Variants in ARHGAP24 observed in about 807,000 individuals in gnomAD.
ARHGAP24 encodes Rho GTPase activating protein 24.
ARHGAP24 carries 50 observed loss-of-function variants against 76.4 expected under a neutral mutation model. That is an observed-to-expected ratio of 0.65 (90% CI 0.52 to 0.83). The LOEUF (loss-of-function observed/expected upper bound fraction) is 0.83. Ranked by LOEUF, ARHGAP24 falls within the 40% of genes least tolerant of loss-of-function variation. The probability of loss-of-function intolerance (pLI) is 0.00; values close to 1 mark genes in which losing one functional copy is unlikely to be tolerated. For synonymous variants in ARHGAP24, 345 were observed against 323.3 expected, an observed-to-expected ratio of 1.07 and a Z score of -0.72; for missense variants, 930 against 914.2, an observed-to-expected ratio of 1.02 and a Z score of -0.22.
At chr4:85,565,587 C>A (rs544812942) in intron 1 of ARHGAP24, among the ~76,000 whole-genome samples, 1 of 152,150 alleles carries the variant, frequency 6.6e-6, no homozygotes, top group Non-Finnish European at 1.5e-5. Context: ...GTCCCCTTCA[C>A]TCTTGCCCTG....
chr4:85,699,802 T>G (rs1407353437), intron 2 of ARHGAP24, among the ~76,000 whole-genome samples: 1 of 152,138 alleles, frequency 6.6e-6, no homozygotes, highest in Non-Finnish European at 1.5e-5. Context: ...TGTCTCCCAT[T>G]AAGTATACGA....
intron 2 of ARHGAP24, among the ~76,000 whole-genome samples, chr4:85,709,405 C>T (rs1211947235): frequency 6.6e-6 from 1 of 151,928 alleles, no homozygotes; most frequent in African/African-American, 2.4e-5. Flanking sequence ...AAATGTAACA[C>T]CCATTCCTGA....
intron 3 of ARHGAP24, among the ~76,000 whole-genome samples, chr4:85,834,601 A>G (rs548933224): frequency 1.3e-5 from 2 of 152,338 alleles, no homozygotes; most frequent in Non-Finnish European, 2.9e-5. Flanking sequence ...CATACTGAGG[A>G]ATGACACACC....
At chr4:85,572,747 CCAAACAGA>C (rs1727187459) in intron 2 of ARHGAP24, among the ~76,000 whole-genome samples, 1 of 3,980 alleles carries the variant, frequency 2.5e-4, no homozygotes, top group South Asian at 0.5. Context: ...CTTTTACAAA[CCAAACAGA>C]CCATCACCAT....
chr4:85,672,784 T>G (rs1469233033), intron 2 of ARHGAP24, among the ~76,000 whole-genome samples: 1 of 152,160 alleles, frequency 6.6e-6, no homozygotes, highest in Non-Finnish European at 1.5e-5. Context: ...AAAGGAGAAA[T>G]GGGAAATGCT....
chr4:85,781,575 A>T (rs72613145), intron 3 of ARHGAP24, among the ~76,000 whole-genome samples: 16,514 of 151,368 alleles, frequency 0.11, 2,070 homozygotes, highest in East Asian at 0.63. Flanking sequence ...TTTAATTTTT[A>T]AAAAAATACA....
chr4:85,628,924 A>G (rs572605451), intron 2 of ARHGAP24, among the ~76,000 whole-genome samples: 2 of 152,160 alleles, frequency 1.3e-5, no homozygotes, highest in South Asian at 2.1e-4. Flanking sequence ...GGTTGTTGTT[A>G]TTTATCCATT....
chr4:85,876,835 C>T (rs571399762), intron 3 of ARHGAP24, among the ~76,000 whole-genome samples: 1 of 152,194 alleles, frequency 6.6e-6, no homozygotes, highest in East Asian at 1.9e-4. Context: ...TTTACCACTT[C>T]ATAATAAGCA....
At chr4:85,795,909 A>C (rs1403271195) in intron 3 of ARHGAP24, among the ~76,000 whole-genome samples, 1 of 152,140 alleles carries the variant, frequency 6.6e-6, no homozygotes, top group Non-Finnish European at 1.5e-5. Context: ...ACTCATTCAC[A>C]CATGTTAATA....
At chr4:85,701,974 A>T (rs1036960612) in intron 2 of ARHGAP24, among the ~76,000 whole-genome samples, 1 of 152,040 alleles carries the variant, frequency 6.6e-6, no homozygotes, top group African/African-American at 2.4e-5. Flanking sequence ...AGAGATTTGG[A>T]CTCAGTTCCT....
intron 7 of ARHGAP24, 35 bp from the exon 8 acceptor site, chr4:85,977,535 C>T: frequency 6.2e-7 from 1 of 1,607,640 alleles, no homozygotes; most frequent in South Asian, 1.1e-5. Flanking sequence ...AAATTTGATC[C>T]CATTGTATTT....
rs11946813 is a variant in ARHGAP24 at position 85,799,924 on chromosome 4, A to G, written c.268+77952A>G. On this transcript the variant is annotated intron_variant, in intron 3 of 9. Coordinates refer to ENST00000395184, the MANE Select transcript of ARHGAP24 (RefSeq NM_001025616.3). ...CTCAAATTCAGGGGCAGTCTACAAAATCACAGACTAGTCATCTTCAAAAAT... is the reference window on the plus strand; with the variant it reads ...CTCAAATTCAGGGGCAGTCTACAAAGTCACAGACTAGTCATCTTCAAAAAT... Among the ~76,000 whole-genome samples, 1,514 of 152,330 alleles carry G rather than the reference A, an allele frequency of 9.9e-3. 30 individuals are homozygous for G. The highest frequency in any genetic ancestry group is 0.034 in the African/African-American group (1,416 of 41,576).
intron 3 of ARHGAP24, among the ~76,000 whole-genome samples, chr4:85,858,072 A>G (rs768493905): frequency 5.9e-5 from 9 of 152,206 alleles, no homozygotes; most frequent in African/African-American, 1.9e-4. Flanking sequence ...CTTCGTCACC[A>G]TAAGACTTGT....
intron 8 of ARHGAP24, among the ~76,000 whole-genome samples, chr4:85,986,755 T>A (rs766558823): frequency 4.6e-5 from 7 of 152,138 alleles, no homozygotes; most frequent in Non-Finnish European, 1.0e-4. Context: ...AGATGCTTAG[T>A]CTGAACAACT....
chr4:85,784,198 A>G (rs926649802), intron 3 of ARHGAP24, among the ~76,000 whole-genome samples: 47 of 152,056 alleles, frequency 3.1e-4, no homozygotes, highest in African/African-American at 1.1e-3. Flanking sequence ...TCTGCCATCT[A>G]TACTGTTTAC....
chr4:85,594,783 T>C (rs1486408000), intron 2 of ARHGAP24, among the ~76,000 whole-genome samples: 1 of 152,094 alleles, frequency 6.6e-6, no homozygotes, highest in Non-Finnish European at 1.5e-5. Flanking sequence ...TTCACCAATG[T>C]CTTTAAATTT....
intron 3 of ARHGAP24, among the ~76,000 whole-genome samples, chr4:85,796,607 A>G (rs1034453359): frequency 6.6e-6 from 1 of 152,234 alleles, no homozygotes; most frequent in African/African-American, 2.4e-5. Context: ...ACAGTTTAAT[A>G]TAAAGAATGA....
At chr4:85,646,890 T>G (rs961916091) in intron 2 of ARHGAP24, among the ~76,000 whole-genome samples, 14 of 152,144 alleles carry the variant, frequency 9.2e-5, no homozygotes, top group African/African-American at 3.4e-4. Flanking sequence ...TAGTAAAGCC[T>G]TGTATTCACA....
chr4:85,508,429 T>C (rs1460146440), intron 1 of ARHGAP24, among the ~76,000 whole-genome samples: 1 of 152,204 alleles, frequency 6.6e-6, no homozygotes, highest in Non-Finnish European at 1.5e-5. Flanking sequence ...ACAGGAGTGA[T>C]CTTCCATTCA....
Sources: gnomAD v4.1 joint callset for allele counts (sites outside exome capture counted in the v4.1 genomes callset) on GRCh38, gnomAD v4.1.1 for gene constraint, MANE v1.5 for transcripts, NCBI Gene and HGNC (gene_info 2026-07-23, HGNC 2026-07-21) for gene names.